Variants in PCDHA8 observed in about 807,000 individuals in gnomAD.
The protein encoded by PCDHA8 is protocadherin alpha 8.
PCDHA8 carries 53 observed loss-of-function variants against 61.8 expected under a neutral mutation model. The ratio of observed to expected loss-of-function variants is 0.86; its 90% CI spans 0.69 to 1.08. The LOEUF is 1.08. PCDHA8 is among the 50% of genes least tolerant of loss of function. The pLI is 0.00. For synonymous variants in PCDHA8, 618 were observed against 556.6 expected, an observed-to-expected ratio of 1.11 and a Z score of -1.55; for missense variants, 1,293 against 1,245.0, an observed-to-expected ratio of 1.04 and a Z score of -0.58.
Position 140,841,605 on chromosome 5 carries a change from T to A in PCDHA8, c.284T>A (p.Leu95Gln). ...AATTCTCGGATCGACCGCGAGGAGC[T>A]GTGCGGGCGGAGCGCGGAGTGCAGC... is the stretch of plus-strand genomic sequence containing the variant. ...FVNSRIDREELCGRSAECSIH... is the reference protein window; with the variant it reads ...FVNSRIDREEQCGRSAECSIH... Residue 95 changes from leucine to glutamine, a missense_variant, in exon 1 of 4, where the codon CTG (leucine) becomes CAG (glutamine). Leu to Gln is a moderately radical substitution (Grantham distance 113, BLOSUM62 -2). Transcript: ENST00000531613. 6.2e-7 allele frequency: 1 copy of A among 1,614,126 alleles called. No homozygotes were observed. Among genetic ancestry groups the A allele is most frequent in the Non-Finnish European group, 8.5e-7 (1 of 1,180,024 alleles).
intron 1 of PCDHA8, chr5:140,861,445 G>T (rs1196401790): frequency 2.0e-6 from 1 of 494,332 alleles, no homozygotes; most frequent in Non-Finnish European, 4.2e-6. Flanking sequence ...AAAAGCCGCA[G>T]AAACCTTCTG....
intron 1 of PCDHA8, chr5:140,877,061 T>A (rs2056822485): frequency 3.1e-6 from 5 of 1,612,978 alleles, no homozygotes; most frequent in African/African-American, 1.3e-5. Flanking sequence ...GAGCTGGAGC[T>A]GCTGCAGTTC....
chr5:140,877,704 C>G, intron 1 of PCDHA8: 2 of 1,613,952 alleles, frequency 1.2e-6, no homozygotes, highest in South Asian at 1.1e-5. Context: ...GCTCCAGCGC[C>G]GTGGGGAGTT....
chr5:140,877,138 C>T (rs2056878695), intron 1 of PCDHA8: 2 of 1,613,636 alleles, frequency 1.2e-6, no homozygotes, highest in Non-Finnish European at 1.7e-6. Flanking sequence ...GGTGTTCGTG[C>T]TGGACGAGAA....
chr5:140,969,007 A>T, intron 1 of PCDHA8: 2 of 1,614,148 alleles, frequency 1.2e-6, no homozygotes, highest in Non-Finnish European at 1.7e-6. Context: ...GCTTCTGTGG[A>T]GTAAGGGAAA....
At chr5:140,849,600 A>G (rs2040983382) in intron 1 of PCDHA8, 1 of 1,598,580 alleles carries the variant, frequency 6.3e-7, no homozygotes, top group Non-Finnish European at 8.6e-7. Context: ...GGGGACAGTT[A>G]TTGCCCTGAT....
At chr5:140,878,274 C>A (rs1273765492) in intron 1 of PCDHA8, among the ~76,000 whole-genome samples, 2 of 152,092 alleles carry the variant, frequency 1.3e-5, no homozygotes, top group Non-Finnish European at 2.9e-5. Context: ...TTTAAAATAG[C>A]CTTCTTGATC....
At chr5:140,886,339 C>T (rs181002773) in intron 1 of PCDHA8, among the ~76,000 whole-genome samples, 87 of 151,982 alleles carry the variant, frequency 5.7e-4, no homozygotes, top group Non-Finnish European at 1.2e-3. Flanking sequence ...ATGTGCAGAA[C>T]GTGCAGGTTT....
intron 1 of PCDHA8, chr5:140,927,217 A>C: frequency 6.2e-7 from 1 of 1,614,082 alleles, no homozygotes; most frequent in Non-Finnish European, 8.5e-7. Context: ...GGAGCTGCAC[A>C]AGATTCGGAT....
At chr5:140,866,880 C>T (rs1270572722) in intron 1 of PCDHA8, 2 of 152,032 alleles carry the variant, frequency 1.3e-5, no homozygotes, top group Non-Finnish European at 2.9e-5. Context: ...TTGGTATTAG[C>T]CTATACCCAG....
At chr5:140,884,033 C>T in intron 1 of PCDHA8, 1 of 1,613,402 alleles carries the variant, frequency 6.2e-7, no homozygotes, top group Non-Finnish European at 8.5e-7. Context: ...GGGTGCAGGC[C>T]ACGTGGTGGC....
At chr5:140,927,975 C>T in intron 1 of PCDHA8, 2 of 1,614,244 alleles carry the variant, frequency 1.2e-6, no homozygotes, top group Non-Finnish European at 1.7e-6. Context: ...TGATTGCTCT[C>T]TTTAGTGTAA....
Position 140,843,356 on chromosome 5 carries a change from T to G in PCDHA8, c.2035T>G (p.Ser679Ala), listed in dbSNP as rs1228911692. 2 of 1,595,866 alleles carry G rather than the reference T, an allele frequency of 1.3e-6. No homozygotes were observed. Among genetic ancestry groups the G allele is most frequent in the Non-Finnish European group, 1.7e-6 (2 of 1,165,556 alleles). Reference protein sequence around the residue: ...LVESGQAPKASSRQSAGVLGP... With the variant: ...LVESGQAPKAASRQSAGVLGP... ...GGAGAGCGGCCAGGCTCCAAAAGCGTCATCGAGGCAGTCGGCTGGCGTTTT... is the reference window on the plus strand; with the variant it reads ...GGAGAGCGGCCAGGCTCCAAAAGCGGCATCGAGGCAGTCGGCTGGCGTTTT... The change falls in exon 1 of 4, where the codon TCA becomes GCA. Residue 679 changes from serine to alanine, a missense_variant. Coordinates refer to ENST00000531613, the MANE Select transcript of PCDHA8 (RefSeq NM_018911.3).
At chr5:140,898,306 G>A (rs192633483) in intron 1 of PCDHA8, among the ~76,000 whole-genome samples, 25 of 152,228 alleles carry the variant, frequency 1.6e-4, no homozygotes, top group Non-Finnish European at 3.1e-4. Flanking sequence ...TTTCTTCTAG[G>A]GTTTTTATGG....
chr5:140,900,063 G>A (rs1554188862), intron 1 of PCDHA8, among the ~76,000 whole-genome samples: 3 of 152,122 alleles, frequency 2.0e-5, no homozygotes, highest in African/African-American at 7.2e-5. Context: ...TTTAACCTCA[G>A]CCTCCAAAAG....
At chr5:141,003,052 A>G (rs782531629) in intron 3 of PCDHA8, among the ~76,000 whole-genome samples, 17 of 152,230 alleles carry the variant, frequency 1.1e-4, no homozygotes, top group Non-Finnish European at 1.9e-4. Context: ...CCTTAACAGA[A>G]CAGTTCCAAA....
At position 140,877,266 on chromosome 5, in the gene PCDHA8, C is replaced by A. The variant is rs2056980298; in HGVS notation, c.2394+33551C>A. The A allele has an allele frequency of 4.3e-6, 7 of 1,613,808 alleles. No individual in the cohort carries two copies. The South Asian group carries it at 5.5e-5, about 13-fold the overall frequency. ...TGGTGGCGAAAGTGCGCGCGGTGGA[C>A]GCTGACTCCGGCTATAACGCTTGGC... On this transcript the variant is annotated intron_variant, in intron 1 of 3. Transcript: ENST00000531613.
chr5:140,946,142 CAAAT>C (rs1214309556), intron 1 of PCDHA8, among the ~76,000 whole-genome samples: 1 of 151,910 alleles, frequency 6.6e-6, no homozygotes, highest in Non-Finnish European at 1.5e-5. Context: ...AGTAAGAAAA[CAAAT>C]AACACGATTT....
In PCDHA8 at chr5:141,010,461, G is replaced by A; in HGVS notation, c.*524G>A. The A allele has an allele frequency of 1.2e-6, 1 of 823,014 alleles. No homozygotes were observed. The highest frequency in any genetic ancestry group is 1.8e-6 in the Non-Finnish European group (1 of 553,022). The allele number at this position is 823,014 out of a possible 1,614,324, so 51.0% of individuals were successfully genotyped here. A position where few individuals can be genotyped will look rare whatever the true frequency, so the allele number is the denominator to read the frequency against. On this transcript the variant is annotated 3_prime_UTR_variant, in exon 4 of 4. Transcript: ENST00000531613. ...GACAAATAAACAGCGGAAGTTATCA[G>A]TATGGAGGGGAAGTGTAAACTTAAA...
Sources: gnomAD v4.1 joint callset for allele counts (sites outside exome capture counted in the v4.1 genomes callset) on GRCh38, gnomAD v4.1.1 for gene constraint, MANE v1.5 for transcripts, NCBI Gene and HGNC (gene_info 2026-07-23, HGNC 2026-07-21) for gene names.